The following SORL1 variants were observed in gnomAD, a reference collection of about 807,000 sequenced individuals.
SORL1 encodes sortilin-related receptor.
In SORL1, 127 loss-of-function variants were observed where a neutral mutation model predicts 273.7. That is an observed-to-expected ratio of 0.46 (90% confidence interval 0.40 to 0.54). The LOEUF is 0.54. SORL1 is among the 20% of genes least tolerant of loss of function. The probability of loss-of-function intolerance (pLI) is 0.00; values close to 1 mark genes in which losing one functional copy is unlikely to be tolerated. For synonymous variants in SORL1, 1,031 were observed against 1,067.4 expected (o/e 0.97, Z 0.66); for missense variants, 2,494 against 2,846.1 (o/e 0.88, Z 2.81).
intron 1 of SORL1, among the ~76,000 whole-genome samples, chr11:121,463,922 G>A (rs1450879389): frequency 6.6e-6 from 1 of 152,204 alleles, no homozygotes; most frequent in Non-Finnish European, 1.5e-5. Context: ...GGGATGGTTT[G>A]GGAAAACCTT....
chr11:121,627,775 G>C lies in SORL1; in HGVS notation c.6577+8G>C. The C allele has an allele frequency of 6.2e-7, 1 of 1,607,156 alleles. No homozygotes were observed. The highest frequency in any genetic ancestry group is 1.1e-5 in the South Asian group (1 of 90,804). The stretch of plus-strand genomic sequence containing the variant: ...CCTCTGGGGATGACCTGGGTAAGTG[G>C]GGCAGGGAGAGTCGGTTCTTCCTCC... On this transcript the variant is annotated splice_region_variant and intron_variant, in intron 47 of 47. Coordinates refer to ENST00000260197, the MANE Select transcript of SORL1 (RefSeq NM_003105.6). This position sits in a 1 kb window ranked among gnomAD's most constrained non-coding sequence, Gnocchi z 4.9.
intron 25 of SORL1, among the ~76,000 whole-genome samples, chr11:121,581,298 A>C (rs1034818888): frequency 1.3e-5 from 2 of 152,214 alleles, no homozygotes; most frequent in Non-Finnish European, 2.9e-5. Flanking sequence ...TACTCTGCTC[A>C]TGTTTGGTTA....
chr11:121,627,503 T>C lies in SORL1; in HGVS notation c.6365-52T>C, dbSNP rs1682336161. The C allele has an allele frequency of 6.7e-6, 10 of 1,491,158 alleles. No homozygotes were observed. In the South Asian group the frequency reaches 1.1e-4, roughly 17 times the overall value. The allele number at this position is 1,491,158 out of a possible 1,614,324, so 92.4% of individuals were successfully genotyped here. ...GGTGGGGCCTTGAGGAGTCATCTGG[T>C]CTGTTCTCCTGCCCTCAGGTGGGCT... On this transcript the variant is annotated intron_variant, in intron 46 of 47. Transcript: ENST00000260197. This position sits in a 1 kb window ranked among gnomAD's most constrained non-coding sequence, Gnocchi z 4.9.
Position 121,555,193 on chromosome 11 carries a change from T to G in SORL1, c.2446T>G (p.Cys816Gly). 6.2e-7 allele frequency: 1 copy of G among 1,613,260 alleles called. No individual in the cohort carries two copies. Residue 816 changes from cysteine (C) to glycine (G), a missense_variant, in exon 18 of 48, where the codon TGT (cysteine) becomes GGT (glycine). By Grantham distance (159) the Cys-to-Gly change is radical. Around this residue, in one of 3 missense-constraint regions of SORL1, gnomAD observed 1,609 missense variants for 1,816.4 expected, o/e 0.89. Transcript: ENST00000260197. Reference sequence around the variant, plus strand: ...ATTACTTTTCTCTCTTAAGCGCCTCTGTTTGAATGGAAGCACAGGGCAAGA... The same window carrying G: ...ATTACTTTTCTCTCTTAAGCGCCTCGGTTTGAATGGAAGCACAGGGCAAGA... The part of the protein sequence containing the change: ...DLALDVIQRL[C>G]LNGSTGQEVI...
At chr11:121,591,232 C>T (rs778096794) in intron 31 of SORL1, 76 bp downstream of exon 31, 2 of 1,524,244 alleles carry the variant, frequency 1.3e-6, no homozygotes, top group Non-Finnish European at 1.8e-6. Flanking sequence ...GCTCTGGGCA[C>T]AATCCAACCG....
At chr11:121,459,339 G>C (rs1860954123) in intron 1 of SORL1, among the ~76,000 whole-genome samples, 1 of 152,234 alleles carries the variant, frequency 6.6e-6, no homozygotes, top group South Asian at 2.1e-4. Flanking sequence ...AGAAGTTCCT[G>C]CAAAGACCTG....
intron 32 of SORL1, among the ~76,000 whole-genome samples, chr11:121,603,460 C>T (rs1366190834): frequency 3.9e-5 from 6 of 152,222 alleles, no homozygotes; most frequent in South Asian, 2.1e-4. Flanking sequence ...TGCAATTATA[C>T]GGTCATTGCT....
intron 6 of SORL1, among the ~76,000 whole-genome samples, chr11:121,506,083 C>G (rs1432569070): frequency 4.6e-5 from 7 of 152,052 alleles, no homozygotes; most frequent in Non-Finnish European, 1.0e-4. Context: ...TTATTTATTT[C>G]TCCCTTCAAT....
At chr11:121,486,919 G>C (rs1405410329) in intron 3 of SORL1, among the ~76,000 whole-genome samples, 2 of 152,092 alleles carry the variant, frequency 1.3e-5, no homozygotes, top group Non-Finnish European at 2.9e-5. Context: ...CCATGATTGT[G>C]CCACTGCACT....
At chr11:121,560,071 G>A (rs978696499) in intron 21 of SORL1, among the ~76,000 whole-genome samples, 4 of 152,252 alleles carry the variant, frequency 2.6e-5, no homozygotes, top group African/African-American at 9.6e-5. Context: ...TGGTTGCCCA[G>A]ATGACCTATT....
intron 12 of SORL1, among the ~76,000 whole-genome samples, chr11:121,533,721 T>A (rs1240166229): frequency 6.6e-6 from 1 of 152,124 alleles, no homozygotes; most frequent in Non-Finnish European, 1.5e-5. Context: ...GAAAAAGAGA[T>A]CTTAGCAGCT....
chr11:121,505,763 T>A (rs1366518327), intron 6 of SORL1, among the ~76,000 whole-genome samples: 1 of 152,206 alleles, frequency 6.6e-6, no homozygotes, highest in East Asian at 1.9e-4. Flanking sequence ...CACTTTTTGG[T>A]TTCTCATTTT....
intron 24 of SORL1, chr11:121,576,734 C>T: frequency 6.9e-7 from 1 of 1,450,820 alleles, no homozygotes; most frequent in Non-Finnish European, 9.0e-7. Context: ...GACAGCGCAT[C>T]CACCCGTGTC....
rs1327251518 is a variant in SORL1 at position 121,604,310 on chromosome 11, A to G, written c.4637A>G (p.Glu1546Gly). 2 of 1,613,748 alleles carry G rather than the reference A, an allele frequency of 1.2e-6. No homozygotes were observed. The highest frequency in any genetic ancestry group is 1.7e-6 in the Non-Finnish European group (2 of 1,179,960). ...CTGGACTGCTCGGACGAGAGCGATGAAAAGGCCTGCAGTGGTGAGTGCCGG... is the reference window on the plus strand; with the variant it reads ...CTGGACTGCTCGGACGAGAGCGATGGAAAGGCCTGCAGTGGTGAGTGCCGG... Reference protein sequence around the residue: ...GFLDCSDESDEKACSDELTVY... With the variant: ...GFLDCSDESDGKACSDELTVY... The change falls in exon 33 of 48, where the codon GAA (glutamate) becomes GGA (glycine). Residue 1546 changes from glutamate to glycine, a missense_variant. Physicochemically the swap from Glu to Gly is moderately conservative, Grantham distance 98 (BLOSUM62 -2). Around this residue, in one of 3 missense-constraint regions of SORL1, gnomAD observed 1,609 missense variants for 1,816.4 expected, o/e 0.89. Transcript: ENST00000260197.
chr11:121,605,615 G>T (rs1863457509), intron 35 of SORL1, 44 bp downstream of exon 35: 2 of 1,544,348 alleles, frequency 1.3e-6, no homozygotes. Flanking sequence ...AAGACCTCAG[G>T]TCGGGGTTTG....
At chr11:121,585,512 C>CACAG (rs1863086027) in intron 26 of SORL1, among the ~76,000 whole-genome samples, 1 of 151,020 alleles carries the variant, frequency 6.6e-6, no homozygotes, top group Non-Finnish European at 1.5e-5. Flanking sequence ...CACACACACA[C>CACAG]ACACACACAC....
At chr11:121,500,628 A>G (rs1300813388) in intron 6 of SORL1, among the ~76,000 whole-genome samples, 1 of 152,224 alleles carries the variant, frequency 6.6e-6, no homozygotes, top group Admixed American at 6.5e-5. Context: ...GGACCTTTAC[A>G]GATAGTTGTC....
Position 121,625,273 on chromosome 11 carries a change from G to A in SORL1, c.6360G>A (p.Gly2120=). 6.2e-7 allele frequency: 1 copy of A among 1,609,010 alleles called. No individual in the cohort carries two copies. The highest frequency in any genetic ancestry group is 8.5e-7 in the Non-Finnish European group (1 of 1,177,532). ...EPAILLYDEL[G]SGADASATQA... The stretch of plus-strand genomic sequence containing the variant: ...CCATCCTGCTGTACGATGAGCTGGG[G>A]TCTGGTGAGTTGCGATTGCTGCCCG... Residue 2120 remains glycine (G), a synonymous_variant, in exon 46 of 48, where the codon GGG becomes GGA. Coordinates refer to ENST00000260197, the MANE Select transcript of SORL1 (RefSeq NM_003105.6).
chr11:121,572,102 A>G (rs1289583320), intron 23 of SORL1, among the ~76,000 whole-genome samples: 1 of 152,252 alleles, frequency 6.6e-6, no homozygotes. Flanking sequence ...CAGTGGAAGC[A>G]GGGAGATACA....
Sources: gnomAD v4.1 joint callset for allele counts (sites outside exome capture counted in the v4.1 genomes callset) on GRCh38, gnomAD v4.1.1 for gene constraint, gnomAD v4.1.1 regional missense constraint, Gnocchi (gnomAD v3.1) non-coding constraint, MANE v1.5 for transcripts, NCBI Gene and HGNC (gene_info 2026-07-23, HGNC 2026-07-21) for gene names.